Variants in SNX1 observed in about 807,000 individuals in gnomAD.
The protein encoded by SNX1 is sorting nexin 1, also known as sorting nexin-1.
A neutral mutation model predicts 71.8 loss-of-function variants in SNX1; 36 were observed. The ratio of observed to expected loss-of-function variants is 0.50; its 90% CI spans 0.38 to 0.66. The LOEUF (loss-of-function observed/expected upper bound fraction) is 0.66. SNX1 is among the 30% of genes least tolerant of loss of function. SNX1 has a pLI of 0.00. For synonymous variants in SNX1, 254 were observed against 240.7 expected (o/e 1.06, Z -0.51); for missense variants, 612 against 646.7 (o/e 0.95, Z 0.58).
chr15:64,126,937 T>A (rs1240705946), intron 6 of SNX1, among the ~76,000 whole-genome samples: 1 of 152,056 alleles, frequency 6.6e-6, no homozygotes, highest in African/African-American at 2.4e-5. Flanking sequence ...GCCGCCTTTT[T>A]AAGAAAATGT....
In SNX1 at chr15:64,139,798, C is replaced by T. The variant is rs1389043794; in HGVS notation, c.*2180C>T. ...ATGTTACATTTGTAAACGTGTGTCT[C>T]TCAATACTGCAGATTCCTCAACTTT... is the stretch of plus-strand genomic sequence containing the variant. On this transcript the variant is annotated 3_prime_UTR_variant, in exon 15 of 15. Transcript: ENST00000559844. The T allele has an allele frequency of 6.6e-6, 1 of 152,146 alleles. No homozygotes were observed. Among genetic ancestry groups the T allele is most frequent in the African/African-American group, 2.4e-5 (1 of 41,404 alleles). 9.4% of individuals were successfully genotyped at this position (152,146 alleles called of 1,614,324 possible). A position where few individuals can be genotyped will look rare whatever the true frequency, so the allele number is the denominator to read the frequency against.
chr15:64,127,280 A>T, intron 7 of SNX1, 28 bp downstream of exon 7: 1 of 1,561,836 alleles, frequency 6.4e-7, no homozygotes, highest in African/African-American at 1.4e-5. Context: ...ATTTTCCTGA[A>T]TAATGTGAGG....
At chr15:64,107,865 A>G (rs529819326) in intron 1 of SNX1, among the ~76,000 whole-genome samples, 2 of 152,298 alleles carry the variant, frequency 1.3e-5, no homozygotes, top group African/African-American at 2.4e-5. Context: ...GTGAATAGTT[A>G]TGTGACTTAC....
At chr15:64,123,308 G>T (rs1371068904) in intron 4 of SNX1, among the ~76,000 whole-genome samples, 195 bp from the exon 5 acceptor site, 2 of 152,194 alleles carry the variant, frequency 1.3e-5, no homozygotes, top group Non-Finnish European at 2.9e-5. Flanking sequence ...ATCCATGGGG[G>T]CTTGCTATGT....
chr15:64,138,546 T>C lies in SNX1; in HGVS notation c.*928T>C, dbSNP rs2081384745. The C allele has an allele frequency of 1.7e-5, 3 of 180,658 alleles. 1 individual carries two copies. The South Asian group carries it at 4.1e-4, about 25-fold the overall frequency. 11.2% of individuals were successfully genotyped at this position (180,658 alleles called of 1,614,324 possible). On this transcript the variant is annotated 3_prime_UTR_variant, in exon 15 of 15. Coordinates refer to ENST00000559844, the MANE Select transcript of SNX1 (RefSeq NM_003099.5). ...ACTTGATGCTTTGTCTCCATAGACA[T>C]GAAAGCCATGCCCTCTGCCTCTAGA...
At chr15:64,101,192 T>A in intron 1 of SNX1, among the ~76,000 whole-genome samples, 1 of 152,358 alleles carries the variant, frequency 6.6e-6, no homozygotes, top group East Asian at 1.9e-4. Flanking sequence ...TTAGTAGCAC[T>A]AAGTATATTC....
At chr15:64,132,228 T>C (rs2081314637) in intron 11 of SNX1, 1 of 314,796 alleles carries the variant, frequency 3.2e-6, no homozygotes, top group Non-Finnish European at 6.1e-6. Flanking sequence ...ACCTACTCTC[T>C]TGGTCCCCTG....
In SNX1 at chr15:64,144,105, G is replaced by A. The variant is rs978720899; in HGVS notation, c.*6487G>A. The stretch of plus-strand genomic sequence containing the variant: ...TGTTGATTGAATTGTTAATAACTAT[G>A]GTCACCTCTAGAGATGGAAGTTTGC... On this transcript the variant is annotated 3_prime_UTR_variant, in exon 15 of 15. Transcript: ENST00000559844. The surrounding 1 kb of genome is among the most constrained non-coding windows in gnomAD (Gnocchi z 4.3). 2 of 152,004 alleles carry A rather than the reference G, an allele frequency of 1.3e-5. No individual in the cohort carries two copies. Among genetic ancestry groups the A allele is most frequent in the African/African-American group, 2.4e-5 (1 of 41,358 alleles). The allele number at this position is 152,004 out of a possible 1,614,324, so 9.4% of individuals were successfully genotyped here.
At chr15:64,120,628 A>G (rs981441489) in intron 4 of SNX1, among the ~76,000 whole-genome samples, 1 of 152,046 alleles carries the variant, frequency 6.6e-6, no homozygotes, top group Non-Finnish European at 1.5e-5. Context: ...CCTGCCCAAC[A>G]TGGCAAGACC....
chr15:64,118,786 A>G lies in SNX1; in HGVS notation c.400-2A>G. On this transcript the variant is annotated splice_acceptor_variant, in intron 3 of 14. Transcript: ENST00000559844. LOFTEE classifies it high-confidence loss of function. Reference sequence around the variant, plus strand: ...CTCATGATTTGTCTTTTCTTGAAAAAGCTAGAGGAAGAAGAACAGGAGGAT... The same window carrying G: ...CTCATGATTTGTCTTTTCTTGAAAAGGCTAGAGGAAGAAGAACAGGAGGAT... 6.2e-7 allele frequency: 1 copy of G among 1,611,070 alleles called. No homozygotes were observed. Among genetic ancestry groups the G allele is most frequent in the Non-Finnish European group, 8.5e-7 (1 of 1,177,864 alleles).
In SNX1 at chr15:64,141,314, C is replaced by T. The variant is rs1201421187; in HGVS notation, c.*3696C>T. 1 of 152,260 alleles carries T rather than the reference C, an allele frequency of 6.6e-6. No homozygotes were observed. Among genetic ancestry groups the T allele is most frequent in the African/African-American group, 2.4e-5 (1 of 41,468 alleles). 9.4% of individuals were successfully genotyped at this position (152,260 alleles called of 1,614,324 possible). ...TCCTCTGGTTTCAGAACTTCCTCCT[C>T]TGCTTCCTGTATCCTGAGGCTGGCG... On this transcript the variant is annotated 3_prime_UTR_variant, in exon 15 of 15. Coordinates refer to ENST00000559844, the MANE Select transcript of SNX1 (RefSeq NM_003099.5). This position sits in a 1 kb window ranked among gnomAD's most constrained non-coding sequence, Gnocchi z 5.1.
At chr15:64,105,213 T>A (rs1595977846) in intron 1 of SNX1, among the ~76,000 whole-genome samples, 2 of 101,686 alleles carry the variant, frequency 2.0e-5, no homozygotes, top group African/African-American at 7.4e-5. Context: ...AGCGAGACTC[T>A]GTCTCAAAAA....
intron 1 of SNX1, among the ~76,000 whole-genome samples, chr15:64,100,969 A>T (rs2080955620): frequency 1.3e-5 from 2 of 151,980 alleles, no homozygotes; most frequent in African/African-American, 2.4e-5. Flanking sequence ...TTTTTCATTT[A>T]TTTATTTTTT....
At position 64,141,950 on chromosome 15, in the gene SNX1, G is replaced by A. The variant is rs937718848; in HGVS notation, c.*4332G>A. 6.6e-6 allele frequency: 1 copy of A among 152,318 alleles called. No homozygotes were observed. Among genetic ancestry groups the A allele is most frequent in the Non-Finnish European group, 1.5e-5 (1 of 68,110 alleles). The allele number at this position is 152,318 out of a possible 1,614,324, so 9.4% of individuals were successfully genotyped here. ...AAGCTTCTGGCCCAGACACTGGGCA[G>A]ACAATGAAACCCTTTGTAACACATG... On this transcript the variant is annotated 3_prime_UTR_variant, in exon 15 of 15. Coordinates refer to ENST00000559844, the MANE Select transcript of SNX1 (RefSeq NM_003099.5). The surrounding 1 kb of genome is among the most constrained non-coding windows in gnomAD (Gnocchi z 5.1).
At chr15:64,106,384 G>A (rs2081022176) in intron 1 of SNX1, among the ~76,000 whole-genome samples, 1 of 152,186 alleles carries the variant, frequency 6.6e-6, no homozygotes, top group African/African-American at 2.4e-5. Flanking sequence ...CTGAAATCCA[G>A]TGGACATTGA....
intron 2 of SNX1, among the ~76,000 whole-genome samples, chr15:64,113,071 C>T (rs2081093647): frequency 6.6e-6 from 1 of 152,198 alleles, no homozygotes; most frequent in South Asian, 2.1e-4. Context: ...CAAAAATGTG[C>T]ATACTGGTAC....
At chr15:64,114,039 T>A (rs2081104982) in intron 2 of SNX1, among the ~76,000 whole-genome samples, 1 of 152,210 alleles carries the variant, frequency 6.6e-6, no homozygotes, top group African/African-American at 2.4e-5. Flanking sequence ...GAAACAGATT[T>A]GGGAGGACCT....
intron 12 of SNX1, among the ~76,000 whole-genome samples, chr15:64,136,063 G>A (rs2081356381): frequency 6.6e-6 from 1 of 152,208 alleles, no homozygotes; most frequent in Admixed American, 6.5e-5. Flanking sequence ...ACTGGAGGCT[G>A]CTGGCATGTC....
At chr15:64,119,737 A>AAACACAC (rs781321747) in intron 4 of SNX1, among the ~76,000 whole-genome samples, 2 of 141,058 alleles carry the variant, frequency 1.4e-5, no homozygotes, top group Non-Finnish European at 3.1e-5. Context: ...AAAAAAAAAA[A>AAACACAC]ACACACACAC....
Sources: gnomAD v4.1 joint callset for allele counts (sites outside exome capture counted in the v4.1 genomes callset) on GRCh38, gnomAD v4.1.1 for gene constraint, Gnocchi (gnomAD v3.1) non-coding constraint, MANE v1.5 for transcripts, NCBI Gene and HGNC (gene_info 2026-07-23, HGNC 2026-07-21) for gene names.